The following ARL6 variants were observed in gnomAD, a reference collection of about 807,000 sequenced individuals.
ARL6 encodes ARF like GTPase 6.
ARL6 carries 18 observed loss-of-function variants against 27.1 expected under a neutral mutation model. That is an observed-to-expected ratio of 0.66 (90% CI 0.46 to 0.98). The LOEUF (loss-of-function observed/expected upper bound fraction) is 0.98. Ranked by LOEUF, ARL6 falls within the 50% of genes least tolerant of loss-of-function variation. ARL6 has a pLI of 0.00. For synonymous variants in ARL6, 65 were observed against 72.3 expected (o/e 0.90, Z 0.51); for missense variants, 187 against 214.9 (o/e 0.87, Z 0.81).
chr3:97,782,004 T>C (rs2037222728), intron 4 of ARL6, among the ~76,000 whole-genome samples: 2 of 151,936 alleles, frequency 1.3e-5, no homozygotes, highest in Non-Finnish European at 1.5e-5. Context: ...AGTCCTTCAA[T>C]AAATTGAAGG....
chr3:97,772,867 A>C (rs1242504106), intron 2 of ARL6, among the ~76,000 whole-genome samples: 1 of 151,628 alleles, frequency 6.6e-6, no homozygotes, highest in Non-Finnish European at 1.5e-5. Context: ...TGATCTGCCC[A>C]CCTCGGCCTC....
rs141356857 is a variant in ARL6 at position 97,776,122 on chromosome 3, T to G, written c.124-4037T>G. 5.0e-3 allele frequency among the ~76,000 whole-genome samples: 757 copies of G among 152,352 alleles called. 4 individuals are homozygous for G. Among genetic ancestry groups the G allele is most frequent in the Non-Finnish European group, 8.6e-3 (584 of 68,034 alleles). On this transcript the variant is annotated intron_variant, in intron 2 of 7. Transcript: ENST00000463745. ...GTTAATATATACGGTGTTCCCATGT[T>G]GAAGGCACATATATTTACAATTGTT...
intron 6 of ARL6, among the ~76,000 whole-genome samples, chr3:97,790,604 T>G (rs2108078929): frequency 6.6e-6 from 1 of 152,298 alleles, no homozygotes; most frequent in East Asian, 1.9e-4. Flanking sequence ...TATAGGTGTA[T>G]GATAAAATTA....
chr3:97,766,930 T>C (rs993044871), intron 1 of ARL6, among the ~76,000 whole-genome samples: 1 of 152,034 alleles, frequency 6.6e-6, no homozygotes, highest in Non-Finnish European at 1.5e-5. Flanking sequence ...TACCACAAAG[T>C]AATGGTTTGG....
chr3:97,768,025 T>C (rs2036465572), intron 1 of ARL6, 56 bp from the exon 2 acceptor site: 3 of 1,485,608 alleles, frequency 2.0e-6, no homozygotes, highest in Non-Finnish European at 2.8e-6. Flanking sequence ...CACCTACCAA[T>C]ATTTTCCATA....
At chr3:97,768,297 G>A (rs2036480635) in intron 2 of ARL6, 67 bp downstream of exon 2, 1 of 1,524,838 alleles carries the variant, frequency 6.6e-7, no homozygotes, top group Non-Finnish European at 9.0e-7. Flanking sequence ...GCAGAATTAT[G>A]TTATATGACG....
rs1472459033 is a variant in ARL6 at position 97,798,542 on chromosome 3, T to C, written c.*493T>C. 1.3e-5 allele frequency: 2 copies of C among 153,236 alleles called. No individual in the cohort carries two copies. Among genetic ancestry groups the C allele is most frequent in the African/African-American group, 4.8e-5 (2 of 41,474 alleles). 9.5% of individuals were successfully genotyped at this position (153,236 alleles called of 1,614,324 possible). A position where few individuals can be genotyped will look rare whatever the true frequency, so the allele number is the denominator to read the frequency against. On this transcript the variant is annotated 3_prime_UTR_variant, in exon 8 of 8. Coordinates refer to ENST00000463745, the MANE Select transcript of ARL6 (RefSeq NM_001278293.3). The stretch of plus-strand genomic sequence containing the variant: ...ATGTAAAATATAATGTGCCAACTAG[T>C]GCGCTTTGTTTATGCTGAAAAGAAT...
intron 2 of ARL6, among the ~76,000 whole-genome samples, chr3:97,771,102 C>A (rs967013660): frequency 7.3e-5 from 11 of 151,710 alleles, no homozygotes; most frequent in African/African-American, 2.7e-4. Flanking sequence ...TTAATCTCTT[C>A]GGGTGGTATA....
chr3:97,783,071 T>G (rs2037276934), intron 4 of ARL6, among the ~76,000 whole-genome samples: 1 of 151,160 alleles, frequency 6.6e-6, no homozygotes, highest in Admixed American at 6.6e-5. Flanking sequence ...ATTATATAAT[T>G]TTTACATACT....
chr3:97,775,939 A>T (rs1046853289), intron 2 of ARL6, among the ~76,000 whole-genome samples: 2 of 152,170 alleles, frequency 1.3e-5, no homozygotes, highest in African/African-American at 4.8e-5. Flanking sequence ...ATAAATGTTT[A>T]TTAGGTCCAT....
intron 5 of ARL6, among the ~76,000 whole-genome samples, chr3:97,786,486 C>T (rs776091815): frequency 1.3e-5 from 2 of 152,136 alleles, no homozygotes; most frequent in Non-Finnish European, 2.9e-5. Flanking sequence ...AAATATACTT[C>T]AAACAATGGG....
At chr3:97,787,185 A>G (rs901708197) in intron 5 of ARL6, among the ~76,000 whole-genome samples, 10 of 152,170 alleles carry the variant, frequency 6.6e-5, no homozygotes, top group African/African-American at 2.2e-4. Flanking sequence ...ATAATAGTAC[A>G]TAGTACTAAA....
intron 1 of ARL6, chr3:97,765,962 A>C (rs1435539722): frequency 1.3e-5 from 2 of 152,362 alleles, no homozygotes; most frequent in East Asian, 3.9e-4. Flanking sequence ...TTATAAAGCA[A>C]TTTCAATAAA....
intron 7 of ARL6, 41 bp from the exon 8 acceptor site, chr3:97,797,983 C>A: frequency 6.3e-7 from 1 of 1,590,644 alleles, no homozygotes; most frequent in South Asian, 1.1e-5. Flanking sequence ...TAGATTTTGC[C>A]CTATAGAGAT....
At chr3:97,772,807 G>C (rs1055606262) in intron 2 of ARL6, among the ~76,000 whole-genome samples, 6 of 151,922 alleles carry the variant, frequency 3.9e-5, no homozygotes, top group African/African-American at 1.5e-4. Context: ...TTTTAGTAGA[G>C]ATGGGGTTTC....
At chr3:97,786,779 G>T (rs2037479075) in intron 5 of ARL6, among the ~76,000 whole-genome samples, 1 of 152,086 alleles carries the variant, frequency 6.6e-6, no homozygotes, top group Admixed American at 6.6e-5. Flanking sequence ...AAGCTTAATA[G>T]AAAATGGGGA....
chr3:97,791,044 A>G (rs143386830), intron 6 of ARL6, among the ~76,000 whole-genome samples: 40 of 152,262 alleles, frequency 2.6e-4, no homozygotes, highest in African/African-American at 9.1e-4. Context: ...TAATTTATAT[A>G]CTTAATTATG....
intron 2 of ARL6, 109 bp downstream of exon 2, chr3:97,768,339 C>A (rs2036482591): frequency 8.2e-7 from 1 of 1,218,376 alleles, no homozygotes; most frequent in Non-Finnish European, 1.2e-6. Flanking sequence ...TTAAGATATT[C>A]TGTTAACCTT....
At position 97,768,104 on chromosome 3, in the gene ARL6, CATT is replaced by C; in HGVS notation, c.-1_2del. 1 of 1,612,572 alleles carries C rather than the reference CATT, an allele frequency of 6.2e-7. No individual in the cohort carries two copies. The highest frequency in any genetic ancestry group is 8.5e-7 in the Non-Finnish European group (1 of 1,178,906). On this transcript the variant is annotated 5_prime_UTR_variant, in exon 2 of 8. Transcript: ENST00000463745. ...AGCTGGTTTGTAAATATTTGAATCA[CATT>C]ATGGGATTGCTAGACAGACTTTCAG...
Sources: gnomAD v4.1 joint callset for allele counts (sites outside exome capture counted in the v4.1 genomes callset) on GRCh38, gnomAD v4.1.1 for gene constraint, MANE v1.5 for transcripts, NCBI Gene and HGNC (gene_info 2026-07-23, HGNC 2026-07-21) for gene names.